The following GABRB3 variants were observed in gnomAD, a reference collection of about 807,000 sequenced individuals.
GABRB3 encodes gamma-aminobutyric acid type A receptor subunit beta3, also known as gamma-aminobutyric acid receptor subunit beta-3.
In GABRB3, 14 loss-of-function variants were observed where a neutral mutation model predicts 52.1. The ratio of observed to expected loss-of-function variants is 0.27; its 90% confidence interval spans 0.18 to 0.42. The LOEUF (loss-of-function observed/expected upper bound fraction) is 0.42. Among genes scored for constraint, GABRB3 ranks in the 10% least tolerant of loss-of-function variants. The pLI is 1.00. For missense variants in GABRB3, 307 were observed against 609.1 expected (o/e 0.50, Z 5.22); for synonymous variants, 260 against 232.3 (o/e 1.12, Z -1.08).
At chr15:26,554,446 T>C (rs1416876732) in intron 8 of GABRB3, among the ~76,000 whole-genome samples, 1 of 151,850 alleles carries the variant, frequency 6.6e-6, no homozygotes, top group African/African-American at 2.4e-5. Context: ...AGGGGAGGAA[T>C]GTCTTTTCTT....
intron 3 of GABRB3, among the ~76,000 whole-genome samples, chr15:26,631,098 G>A (rs1485143715): frequency 6.6e-6 from 1 of 152,190 alleles, no homozygotes; most frequent in Non-Finnish European, 1.5e-5. Context: ...AAGCTGTAGA[G>A]GAAGCCCTGA....
chr15:26,700,986 C>T (rs28886076), intron 3 of GABRB3, among the ~76,000 whole-genome samples: 3,467 of 151,768 alleles, frequency 0.023, 132 homozygotes, highest in African/African-American at 0.08. Flanking sequence ...ACCTGGGAGG[C>T]GGAGTTTGCA....
intron 3 of GABRB3, among the ~76,000 whole-genome samples, chr15:26,668,940 C>G (rs1009077318): frequency 1.3e-5 from 2 of 152,156 alleles, no homozygotes; most frequent in Non-Finnish European, 1.5e-5. Context: ...AAAAGCAAGG[C>G]TAAGATTAAT....
intron 3 of GABRB3, among the ~76,000 whole-genome samples, chr15:26,676,588 A>G (rs112623458): frequency 3.7e-4 from 57 of 152,324 alleles, no homozygotes; most frequent in African/African-American, 1.3e-3. Context: ...AGTTCAAGCT[A>G]CTAACACAGG....
chr15:26,545,224 T>A lies in GABRB3; in HGVS notation c.*2569A>T, dbSNP rs1889187914. On this transcript the variant is annotated 3_prime_UTR_variant, in exon 9 of 9. Coordinates refer to ENST00000311550, the MANE Select transcript of GABRB3 (RefSeq NM_000814.6). ...TGTGTGTGTGTGTGTGTGTGTGTAG[T>A]TACAAACACTATTTATAGTATAGCT... is the stretch of plus-strand genomic sequence containing the variant. 6.7e-6 allele frequency: 1 copy of A among 150,330 alleles called. No individual in the cohort carries two copies. Among genetic ancestry groups the A allele is most frequent in the Non-Finnish European group, 1.5e-5 (1 of 67,798 alleles). 9.3% of individuals were successfully genotyped at this position (150,330 alleles called of 1,614,324 possible).
At chr15:26,666,729 CT>C (rs1255703362) in intron 3 of GABRB3, 1 of 152,244 alleles carries the variant, frequency 6.6e-6, no homozygotes, top group Non-Finnish European at 1.5e-5. Flanking sequence ...GGGGCGCCCC[CT>C]GCCTTGAAAG....
At chr15:26,729,171 G>A (rs989035028) in intron 3 of GABRB3, among the ~76,000 whole-genome samples, 2 of 152,008 alleles carry the variant, frequency 1.3e-5, no homozygotes, top group Admixed American at 6.6e-5. Flanking sequence ...GCAAGGGGCC[G>A]GGGGCCTCTG....
chr15:26,724,661 C>A (rs1048471674), intron 3 of GABRB3, among the ~76,000 whole-genome samples: 15 of 152,192 alleles, frequency 9.9e-5, no homozygotes, highest in Non-Finnish European at 2.9e-5. Context: ...AAACTCCACC[C>A]TCAGATGATA....
chr15:26,579,339 C>A (rs1474785490), intron 6 of GABRB3, among the ~76,000 whole-genome samples: 1 of 152,170 alleles, frequency 6.6e-6, no homozygotes, highest in African/African-American at 2.4e-5. Context: ...GCCACTTAAT[C>A]CAGCCTGGGG....
rs1348288306 is a variant in GABRB3 at position 26,554,207 on chromosome 15, A to ATATATATATATATATT, written c.1081-6074_1081-6073insAATATATATATATATA. On this transcript the variant is annotated intron_variant, in intron 8 of 8. Transcript: ENST00000311550. ...ATATATATACTATATATATATATAT[A>ATATATATATATATATT]TAGTAGAAACAAGGTCTCTCTTTGT... Among the ~76,000 whole-genome samples, 181 of 57,808 alleles carry ATATATATATATATATT rather than the reference A, an allele frequency of 3.1e-3. 26 individuals are homozygous for ATATATATATATATATT. The highest frequency in any genetic ancestry group is 0.026 in the Middle Eastern group (2 of 76). 37.9% of individuals were successfully genotyped at this position (57,808 alleles called of 152,430 possible).
chr15:26,756,215 T>C (rs1358450219), intron 3 of GABRB3, among the ~76,000 whole-genome samples: 2 of 151,926 alleles, frequency 1.3e-5, no homozygotes, highest in Non-Finnish European at 2.9e-5. Context: ...GAGTAATGAG[T>C]ATCAAATTTC....
At position 26,575,266 on chromosome 15, in the gene GABRB3, C is replaced by T. The variant is rs192954003; in HGVS notation, c.682+5053G>A. Among the ~76,000 whole-genome samples the T allele has an allele frequency of 5.6e-4, 86 of 152,258 alleles. 1 individual carries two copies. In the East Asian group the frequency reaches 0.012, roughly 22 times the overall value. ...GCCCTTATAAAAAGTGATGTCACAG[C>T]AAAAAGAGAACCAGTTAAGCGCTGC... On this transcript the variant is annotated intron_variant, in intron 6 of 8. Transcript: ENST00000311550.
intron 3 of GABRB3, among the ~76,000 whole-genome samples, chr15:26,630,436 G>A (rs1449626055): frequency 6.6e-6 from 1 of 152,236 alleles, no homozygotes; most frequent in Non-Finnish European, 1.5e-5. Context: ...GAGCATGTGA[G>A]TTGTTTTGCT....
intron 3 of GABRB3, among the ~76,000 whole-genome samples, chr15:26,640,177 G>C (rs867809232): frequency 2.6e-5 from 4 of 152,250 alleles, no homozygotes; most frequent in Non-Finnish European, 1.5e-5. Context: ...CCAACTTGAG[G>C]CCACTGAATG....
chr15:26,621,251 G>T lies in GABRB3; in HGVS notation c.461+63C>A. 1 of 1,208,880 alleles carries T rather than the reference G, an allele frequency of 8.3e-7. No individual in the cohort carries two copies. Among genetic ancestry groups the T allele is most frequent in the Non-Finnish European group, 1.2e-6 (1 of 811,870 alleles). 74.9% of individuals were successfully genotyped at this position (1,208,880 alleles called of 1,614,324 possible). Reference sequence around the variant, plus strand: ...GCCTCACTTACAATAATCATCTCAAGTGAGATATTCAACACCCATGCACCA... The same window carrying T: ...GCCTCACTTACAATAATCATCTCAATTGAGATATTCAACACCCATGCACCA... On this transcript the variant is annotated intron_variant, in intron 4 of 8. Transcript: ENST00000311550. This position sits in a 1 kb window ranked among gnomAD's most constrained non-coding sequence, Gnocchi z 4.1.
intron 3 of GABRB3, among the ~76,000 whole-genome samples, chr15:26,649,658 CTGTGTG>C (rs57833685): frequency 3.8e-4 from 50 of 130,184 alleles, no homozygotes; most frequent in African/African-American, 1.4e-3. Context: ...AGAGCCAAGG[CTGTGTG>C]TGTGTGTGTG....
chr15:26,635,823 T>A (rs981810159), intron 3 of GABRB3, among the ~76,000 whole-genome samples: 1 of 152,218 alleles, frequency 6.6e-6, no homozygotes, highest in East Asian at 1.9e-4. Context: ...GTTCTTTCAA[T>A]GTCTGAGATG....
In GABRB3 at chr15:26,682,487, G is replaced by A. The variant is rs148100605; in HGVS notation, c.241-60953C>T. Among the ~76,000 whole-genome samples, 1,022 of 152,290 alleles carry A rather than the reference G, an allele frequency of 6.7e-3. 8 individuals carry two copies. Among genetic ancestry groups the A allele is most frequent in the East Asian group, 0.017 (89 of 5,156 alleles). ...TGCAGGATGTACAGACACGGAGCCC[G>A]GCACGGGACAGCCCCCGAGCTTACT... On this transcript the variant is annotated intron_variant, in intron 3 of 8. Transcript: ENST00000311550.
chr15:26,590,000 G>A (rs1350406808), intron 4 of GABRB3, among the ~76,000 whole-genome samples: 3 of 152,158 alleles, frequency 2.0e-5, no homozygotes, highest in Non-Finnish European at 4.4e-5. Flanking sequence ...AGTCCTGGCT[G>A]TGCATGGTTA....
Sources: gnomAD v4.1 joint callset for allele counts (sites outside exome capture counted in the v4.1 genomes callset) on GRCh38, gnomAD v4.1.1 for gene constraint, Gnocchi (gnomAD v3.1) non-coding constraint, MANE v1.5 for transcripts, NCBI Gene and HGNC (gene_info 2026-07-23, HGNC 2026-07-21) for gene names.